Variants in NEO1 observed in about 807,000 individuals in gnomAD.
NEO1 encodes the protein neogenin.
A neutral mutation model predicts 159.7 loss-of-function variants in NEO1; 63 were observed. The observed-to-expected ratio is 0.39, with a 90% CI of 0.32 to 0.49. The LOEUF (loss-of-function observed/expected upper bound fraction) is 0.49, where lower values mean the gene tolerates loss of function less well. Ranked by LOEUF, NEO1 falls within the 20% of genes least tolerant of loss-of-function variation. The pLI is 0.85. For synonymous variants in NEO1, 633 were observed against 662.0 expected (o/e 0.96, Z 0.67); for missense variants, 1,615 against 1,831.0 (o/e 0.88, Z 2.15).
Position 73,074,571 on chromosome 15 carries a change from C to T in NEO1, c.130+21766C>T, listed in dbSNP as rs146436805. ...TATACAGTGTAATAAAATGGGTTTT[C>T]GATGTGTGAGGATACCCTCATGTTA... On this transcript the variant is annotated intron_variant, in intron 1 of 28. Transcript: ENST00000261908. 1.8e-3 allele frequency among the ~76,000 whole-genome samples: 274 copies of T among 152,196 alleles called. 1 individual carries two copies. Among genetic ancestry groups the T allele is most frequent in the African/African-American group, 6.3e-3 (263 of 41,524 alleles).
chr15:73,226,816 A>G (rs947882963), intron 7 of NEO1, among the ~76,000 whole-genome samples: 4 of 152,232 alleles, frequency 2.6e-5, no homozygotes, highest in Non-Finnish European at 4.4e-5. Context: ...CTACCTTTCA[A>G]ATGAGCTTAG....
chr15:73,152,645 G>A (rs1176256711), intron 5 of NEO1, among the ~76,000 whole-genome samples: 2 of 152,200 alleles, frequency 1.3e-5, no homozygotes, highest in Admixed American at 6.5e-5. Flanking sequence ...TTGGTCAGAG[G>A]TTCTGGAGGA....
At chr15:73,157,346 C>A (rs1213085112) in intron 5 of NEO1, among the ~76,000 whole-genome samples, 1 of 152,226 alleles carries the variant, frequency 6.6e-6, no homozygotes, top group Admixed American at 6.5e-5. Flanking sequence ...CAGGACCATC[C>A]ACAGCTTGTT....
At chr15:73,283,728 C>T (rs1027335252) in intron 23 of NEO1, among the ~76,000 whole-genome samples, 2 of 152,126 alleles carry the variant, frequency 1.3e-5, no homozygotes, top group Non-Finnish European at 2.9e-5. Flanking sequence ...TTGCTGGTCA[C>T]CCCCTTTGGA....
intron 13 of NEO1, 78 bp downstream of exon 13, chr15:73,254,907 CTGAACT>C: frequency 6.9e-7 from 1 of 1,454,172 alleles, no homozygotes. Context: ...AATGACTGCT[CTGAACT>C]GTCGACTTAT....
intron 9 of NEO1, among the ~76,000 whole-genome samples, chr15:73,244,796 C>T (rs1294916469): frequency 6.6e-6 from 1 of 150,928 alleles, no homozygotes; most frequent in African/African-American, 2.4e-5. Flanking sequence ...ACTAAAAATA[C>T]AAAAATTAGC....
chr15:73,242,303 T>C (rs1004402514), intron 8 of NEO1, among the ~76,000 whole-genome samples: 2 of 152,212 alleles, frequency 1.3e-5, no homozygotes, highest in African/African-American at 4.8e-5. Flanking sequence ...TGTTAGTACA[T>C]ATTTTTATGT....
At chr15:73,240,139 C>G (rs890894374) in intron 8 of NEO1, among the ~76,000 whole-genome samples, 1 of 152,066 alleles carries the variant, frequency 6.6e-6, no homozygotes, top group African/African-American at 2.4e-5. Context: ...GTGAGATATG[C>G]GTCAATATGT....
chr15:73,092,491 A>G (rs146323715), intron 1 of NEO1, among the ~76,000 whole-genome samples: 1 of 152,258 alleles, frequency 6.6e-6, no homozygotes, highest in Non-Finnish European at 1.5e-5. Context: ...CATTTAGTTG[A>G]TGAGTTTCAT....
intron 18 of NEO1, among the ~76,000 whole-genome samples, chr15:73,271,700 A>C (rs1415725915): frequency 2.0e-5 from 3 of 152,186 alleles, no homozygotes; most frequent in Non-Finnish European, 2.9e-5. Flanking sequence ...TGAGGCCAAG[A>C]GTTCGAGACC....
intron 1 of NEO1, among the ~76,000 whole-genome samples, chr15:73,089,389 T>G (rs1026229161): frequency 5.4e-4 from 82 of 152,246 alleles, no homozygotes; most frequent in African/African-American, 1.9e-3. Flanking sequence ...GCAATATTTT[T>G]TTTTCTGCAT....
At chr15:73,141,993 G>C (rs1023180179) in intron 5 of NEO1, among the ~76,000 whole-genome samples, 1 of 152,114 alleles carries the variant, frequency 6.6e-6, no homozygotes, top group Non-Finnish European at 1.5e-5. Flanking sequence ...TCCAGTCTCA[G>C]CTCTGTCTCT....
intron 13 of NEO1, among the ~76,000 whole-genome samples, chr15:73,256,992 TGTG>T (rs2040385934): frequency 6.6e-6 from 1 of 150,638 alleles, no homozygotes; most frequent in African/African-American, 2.4e-5. Context: ...ATTAGCCAGG[TGTG>T]GTGGTGCTCA....
chr15:73,168,523 A>G (rs1032178725), intron 5 of NEO1, among the ~76,000 whole-genome samples: 9 of 152,006 alleles, frequency 5.9e-5, no homozygotes, highest in African/African-American at 1.4e-4. Context: ...TTAGTATCAG[A>G]TGGATGAGTA....
intron 5 of NEO1, 80 bp from the exon 6 acceptor site, chr15:73,176,323 T>C (rs1469732998): frequency 4.1e-6 from 4 of 983,200 alleles, no homozygotes; most frequent in Non-Finnish European, 5.6e-6. Flanking sequence ...GTGGATTTTA[T>C]GATTTAAAAA....
chr15:73,159,911 C>T (rs1164021770), intron 5 of NEO1, among the ~76,000 whole-genome samples: 1 of 152,138 alleles, frequency 6.6e-6, no homozygotes, highest in Non-Finnish European at 1.5e-5. Flanking sequence ...CTGCCCGTTT[C>T]TCATACTCTT....
intron 9 of NEO1, 68 bp downstream of exon 9, chr15:73,244,566 G>A: frequency 6.5e-7 from 1 of 1,538,894 alleles, no homozygotes; most frequent in South Asian, 1.2e-5. Context: ...CCTTTGTTTA[G>A]CCTTGCACAC....
At chr15:73,252,812 A>T (rs778440408) in intron 11 of NEO1, among the ~76,000 whole-genome samples, 60 of 152,134 alleles carry the variant, frequency 3.9e-4, no homozygotes, top group Non-Finnish European at 6.8e-4. Flanking sequence ...CAACATGGTG[A>T]AACCCCGTCT....
rs970597003 is a variant in NEO1, at chr15:73,122,708, C to T, written c.632C>T (p.Ala211Val). ...LPSGMLVISNATEGDGGLYRC... is the reference protein window; with the variant it reads ...LPSGMLVISNVTEGDGGLYRC... ...AGTGGAATGCTGGTTATCAGCAATG[C>T]AACTGAAGGAGATGGCGGGCTTTAT... The change falls in exon 3 of 29, where the codon GCA (alanine) becomes GTA (valine). Residue 211 changes from alanine (A) to valine (V), a missense_variant. Ala to Val is a moderately conservative substitution (Grantham distance 64). Around this residue, in one of 3 missense-constraint regions of NEO1, gnomAD observed 1,018 missense variants for 1,115.4 expected, o/e 0.91. Coordinates refer to ENST00000261908, the MANE Select transcript of NEO1 (RefSeq NM_002499.4). 6.2e-7 allele frequency: 1 copy of T among 1,614,124 alleles called. No individual in the cohort carries two copies. The highest frequency in any genetic ancestry group is 8.5e-7 in the Non-Finnish European group (1 of 1,180,020).
Sources: gnomAD v4.1 joint callset for allele counts (sites outside exome capture counted in the v4.1 genomes callset) on GRCh38, gnomAD v4.1.1 for gene constraint, gnomAD v4.1.1 regional missense constraint, MANE v1.5 for transcripts, NCBI Gene and HGNC (gene_info 2026-07-23, HGNC 2026-07-21) for gene names.